The following UBASH3B variants were observed in gnomAD, a reference collection of about 807,000 sequenced individuals.
The protein encoded by UBASH3B is ubiquitin-associated and SH3 domain-containing protein B.
Under a neutral mutation model 83.4 loss-of-function variants are expected in UBASH3B, and 37 were observed. The ratio of observed to expected loss-of-function variants is 0.44; its 90% CI spans 0.34 to 0.58. UBASH3B has a LOEUF of 0.58. Ranked by LOEUF, UBASH3B falls within the 20% of genes least tolerant of loss-of-function variation. The probability of loss-of-function intolerance (pLI) is 0.01; values close to 1 mark genes in which losing one functional copy is unlikely to be tolerated. For synonymous variants in UBASH3B, 304 were observed against 318.3 expected, an observed-to-expected ratio of 0.96 and a Z score of 0.48; for missense variants, 657 against 827.2, an observed-to-expected ratio of 0.79 and a Z score of 2.52.
At chr11:122,776,084 C>A in intron 1 of UBASH3B, 135 bp from the exon 2 acceptor site, 2 of 679,616 alleles carry the variant, frequency 2.9e-6, no homozygotes, top group South Asian at 2.0e-5. Context: ...AAACCTGCTG[C>A]AGGTGTCTAC....
intron 1 of UBASH3B, among the ~76,000 whole-genome samples, chr11:122,675,456 A>G (rs1242311967): frequency 6.6e-6 from 1 of 152,164 alleles, no homozygotes; most frequent in East Asian, 1.9e-4. Context: ...TTGGAGAGGA[A>G]TTGATATGTC....
intron 1 of UBASH3B, among the ~76,000 whole-genome samples, chr11:122,771,232 CTTT>C (rs35821226): frequency 7.4e-6 from 1 of 135,564 alleles, no homozygotes. Flanking sequence ...TCTTACTTTG[CTTT>C]TTTTTTTTTT....
intron 10 of UBASH3B, among the ~76,000 whole-genome samples, chr11:122,800,257 G>C (rs1309446547): frequency 6.6e-6 from 1 of 151,944 alleles, no homozygotes; most frequent in Non-Finnish European, 1.5e-5. Flanking sequence ...GGAATTATGG[G>C]GGCCAGGCGC....
At chr11:122,788,768 A>G (rs1860999937) in intron 5 of UBASH3B, among the ~76,000 whole-genome samples, 1 of 152,124 alleles carries the variant, frequency 6.6e-6, no homozygotes, top group Admixed American at 6.5e-5. Context: ...AGCTAGGTCC[A>G]TGTCCATTTA....
At chr11:122,670,825 C>T (rs1450331075) in intron 1 of UBASH3B, among the ~76,000 whole-genome samples, 3 of 151,798 alleles carry the variant, frequency 2.0e-5, no homozygotes, top group Non-Finnish European at 2.9e-5. Flanking sequence ...TGCAATGGTG[C>T]GACTGTGGCT....
chr11:122,752,843 C>A (rs1861220543), intron 1 of UBASH3B, among the ~76,000 whole-genome samples: 2 of 152,152 alleles, frequency 1.3e-5, no homozygotes, highest in East Asian at 3.9e-4. Flanking sequence ...AGAGTGTGTT[C>A]CGTTATATTT....
At chr11:122,748,807 C>T (rs779525214) in intron 1 of UBASH3B, among the ~76,000 whole-genome samples, 7 of 152,222 alleles carry the variant, frequency 4.6e-5, no homozygotes, top group Non-Finnish European at 1.0e-4. Flanking sequence ...CTCTTGCACA[C>T]GCTTGTGCTT....
intron 1 of UBASH3B, among the ~76,000 whole-genome samples, chr11:122,772,710 G>T (rs1026221165): frequency 3.3e-5 from 5 of 152,194 alleles, no homozygotes; most frequent in African/African-American, 1.2e-4. Flanking sequence ...GCACTGCAAG[G>T]CCATTGGCGG....
chr11:122,661,658 A>C (rs1863440059), intron 1 of UBASH3B, among the ~76,000 whole-genome samples: 1 of 152,172 alleles, frequency 6.6e-6, no homozygotes, highest in South Asian at 2.1e-4. Flanking sequence ...AATTGCTCTT[A>C]TGTGTATTAG....
chr11:122,719,560 A>C (rs974406221), intron 1 of UBASH3B, among the ~76,000 whole-genome samples: 4 of 152,190 alleles, frequency 2.6e-5, no homozygotes, highest in Non-Finnish European at 4.4e-5. Context: ...GTATCCCATC[A>C]CATAGGTCAA....
At chr11:122,777,885 A>G (rs755032347) in intron 3 of UBASH3B, among the ~76,000 whole-genome samples, 6 of 152,086 alleles carry the variant, frequency 3.9e-5, no homozygotes, top group Non-Finnish European at 8.8e-5. Flanking sequence ...ATATGCCACC[A>G]TGCCCGGCTA....
chr11:122,768,719 T>G lies in UBASH3B; in HGVS notation c.162-7500T>G, dbSNP rs568184651. Among the ~76,000 whole-genome samples the G allele has an allele frequency of 6.6e-5, 10 of 152,230 alleles. No homozygotes were observed. The East Asian group carries it at 1.7e-3, about 27-fold the overall frequency. ...CAGGGTTTCACCATGTTGACCAGGC[T>G]GGTCTCAAACTCCTGATCTCAGTGA... On this transcript the variant is annotated intron_variant, in intron 1 of 13. Transcript: ENST00000284273.
chr11:122,678,450 A>G (rs1428920611), intron 1 of UBASH3B, among the ~76,000 whole-genome samples: 1 of 152,216 alleles, frequency 6.6e-6, no homozygotes, highest in Non-Finnish European at 1.5e-5. Flanking sequence ...AATAGAAACC[A>G]TAAGAAGTGA....
intron 1 of UBASH3B, among the ~76,000 whole-genome samples, chr11:122,750,384 C>T (rs1373305799): frequency 6.6e-6 from 1 of 151,964 alleles, no homozygotes; most frequent in African/African-American, 2.4e-5. Flanking sequence ...ACAATGTACC[C>T]TCAGTTACCC....
chr11:122,753,896 A>G (rs569348961), intron 1 of UBASH3B, among the ~76,000 whole-genome samples: 2 of 152,224 alleles, frequency 1.3e-5, no homozygotes, highest in African/African-American at 4.8e-5. Flanking sequence ...TAAACTGTCT[A>G]TCCATGAATT....
intron 5 of UBASH3B, among the ~76,000 whole-genome samples, chr11:122,785,268 C>T (rs182935991): frequency 8.5e-5 from 13 of 152,334 alleles, no homozygotes; most frequent in African/African-American, 2.6e-4. Flanking sequence ...TGATAAAGCT[C>T]TCCTCGGCCC....
chr11:122,781,126 A>T (rs1591810948), intron 4 of UBASH3B, among the ~76,000 whole-genome samples: 1 of 151,508 alleles, frequency 6.6e-6, no homozygotes, highest in East Asian at 1.9e-4. Flanking sequence ...GGACCTTAAG[A>T]CCCCTCTGTA....
intron 1 of UBASH3B, among the ~76,000 whole-genome samples, chr11:122,701,991 T>C (rs1864044810): frequency 6.6e-6 from 1 of 151,994 alleles, no homozygotes; most frequent in Non-Finnish European, 1.5e-5. Context: ...AATGCTGGGA[T>C]TACAAGTGTG....
chr11:122,789,931 C>A (rs1397453482), intron 6 of UBASH3B, among the ~76,000 whole-genome samples: 2 of 152,168 alleles, frequency 1.3e-5, no homozygotes, highest in African/African-American at 4.8e-5. Flanking sequence ...TACTATTTTG[C>A]CCCCATTCCA....
Sources: allele counts gnomAD v4.1 joint callset (sites outside exome capture counted in the v4.1 genomes callset), GRCh38; gene constraint gnomAD v4.1.1; transcripts MANE v1.5; gene names NCBI Gene and HGNC (gene_info 2026-07-23, HGNC 2026-07-21).